The following SYN2 variants were observed in gnomAD, a reference collection of about 807,000 sequenced individuals.
SYN2 encodes synapsin II.
Under a neutral mutation model 50.9 loss-of-function variants are expected in SYN2, and 19 were observed. That is an observed-to-expected ratio of 0.37 (90% confidence interval 0.26 to 0.55). SYN2 has a LOEUF of 0.55. SYN2 is among the 20% of genes least tolerant of loss of function. SYN2 has a pLI of 0.81. For missense variants in SYN2, 587 were observed against 576.4 expected (o/e 1.02, Z -0.19); for synonymous variants, 255 against 224.9 (o/e 1.13, Z -1.20).
chr3:12,139,926 C>T (rs1400748810), intron 1 of SYN2, among the ~76,000 whole-genome samples: 1 of 152,118 alleles, frequency 6.6e-6, no homozygotes, highest in Non-Finnish European at 1.5e-5. Flanking sequence ...TTACTTATTA[C>T]AGGGGATTAA....
intron 1 of SYN2, among the ~76,000 whole-genome samples, chr3:12,013,378 C>T (rs1460226558): frequency 3.3e-5 from 5 of 152,282 alleles, no homozygotes. Flanking sequence ...CCTTTTCCTG[C>T]CCACTTCTTT....
chr3:12,076,346 T>C (rs1695467054), intron 1 of SYN2, among the ~76,000 whole-genome samples: 1 of 152,088 alleles, frequency 6.6e-6, no homozygotes, highest in Non-Finnish European at 1.5e-5. Flanking sequence ...AAATCTTGTT[T>C]TAGTACATAA....
chr3:12,117,281 TA>T (rs1460296696), intron 1 of SYN2, among the ~76,000 whole-genome samples: 1 of 152,330 alleles, frequency 6.6e-6, no homozygotes, highest in African/African-American at 2.4e-5. Context: ...ATCCAGTTGT[TA>T]TTCTTAGAGA....
intron 1 of SYN2, among the ~76,000 whole-genome samples, chr3:12,128,155 G>A (rs1170448928): frequency 6.6e-6 from 1 of 152,054 alleles, no homozygotes; most frequent in Non-Finnish European, 1.5e-5. Flanking sequence ...ATGTTGCCCA[G>A]GCTGGTTTCG....
At chr3:12,155,608 GT>G (rs1697432070) in intron 5 of SYN2, among the ~76,000 whole-genome samples, 1 of 152,208 alleles carries the variant, frequency 6.6e-6, no homozygotes, top group Non-Finnish European at 1.5e-5. Context: ...GGGCAGCAGT[GT>G]TCTGGTCACA....
chr3:12,077,147 T>G (rs933264938), intron 1 of SYN2, among the ~76,000 whole-genome samples: 1 of 152,064 alleles, frequency 6.6e-6, no homozygotes, highest in East Asian at 1.9e-4. Context: ...CTAGTTAAGT[T>G]AATATGGTTA....
At chr3:12,158,670 C>G (rs565254389) in intron 5 of SYN2, 15 of 1,607,718 alleles carry the variant, frequency 9.3e-6, no homozygotes, top group Non-Finnish European at 1.3e-5. Flanking sequence ...ACAACCACCC[C>G]CTGCTGTGGA....
chr3:12,070,452 C>T lies in SYN2; in HGVS notation c.377+65524C>T, dbSNP rs77267783. 3.1e-3 allele frequency: 1,764 copies of T among 570,632 alleles called. 27 individuals carry two copies. Among genetic ancestry groups the T allele is most frequent in the African/African-American group, 0.03 (1,595 of 53,154 alleles). The allele number at this position is 570,632 out of a possible 1,614,324, so 35.3% of individuals were successfully genotyped here. On this transcript the variant is annotated intron_variant, in intron 1 of 12. Transcript: ENST00000621198. ...AGATTGGGACTCTGACCCCATTGAG[C>T]GTGGCATCGTCATCAACTGGGATGA...
intron 1 of SYN2, among the ~76,000 whole-genome samples, chr3:12,013,753 T>C (rs1381703674): frequency 1.3e-5 from 2 of 152,216 alleles, no homozygotes; most frequent in Non-Finnish European, 2.9e-5. Context: ...ACTCCTTTGC[T>C]TAAAGTTTTT....
At chr3:12,012,486 T>C (rs1361869635) in intron 1 of SYN2, among the ~76,000 whole-genome samples, 1 of 152,250 alleles carries the variant, frequency 6.6e-6, no homozygotes, top group Non-Finnish European at 1.5e-5. Flanking sequence ...CATTCTTCCC[T>C]AACACGTAGT....
intron 1 of SYN2, among the ~76,000 whole-genome samples, chr3:12,068,988 C>G (rs1251081662): frequency 6.6e-6 from 1 of 152,210 alleles, no homozygotes; most frequent in Non-Finnish European, 1.5e-5. Context: ...GTTGCCTGTT[C>G]TGAACACTTC....
At chr3:12,017,810 A>C (rs538853987) in intron 1 of SYN2, among the ~76,000 whole-genome samples, 1 of 152,342 alleles carries the variant, frequency 6.6e-6, no homozygotes, top group African/African-American at 2.4e-5. Context: ...ATGACACTAA[A>C]AAATGATTTA....
In SYN2 at chr3:12,183,590, C is replaced by T. The variant is rs935524804; in HGVS notation, c.1369+218C>T. On this transcript the variant is annotated intron_variant, in intron 11 of 12. Coordinates refer to ENST00000621198, the MANE Select transcript of SYN2 (RefSeq NM_133625.6). ...CTGTGTTTTTCCTATGCAGTGTCAG[C>T]TCCTCTGTCTGGTTGTTTACCTGTT... 6.8e-6 allele frequency: 10 copies of T among 1,480,702 alleles called. No homozygotes were observed. In the African/African-American group the frequency reaches 1.3e-4, roughly 19 times the overall value. The allele number at this position is 1,480,702 out of a possible 1,614,324, so 91.7% of individuals were successfully genotyped here.
intron 1 of SYN2, among the ~76,000 whole-genome samples, chr3:12,057,219 G>A (rs907245455): frequency 9.9e-5 from 15 of 151,906 alleles, no homozygotes; most frequent in African/African-American, 3.6e-4. Flanking sequence ...TTGAACCCAG[G>A]AGGCAGAGGT....
rs1441761174 is a variant in SYN2, at chr3:12,018,179, A to G, written c.377+13251A>G. On this transcript the variant is annotated intron_variant, in intron 1 of 12. Transcript: ENST00000621198. ...TAGGTTCTGTGGCCTGGAAAAGAGAATGTTCTACAGAAGGGACAAATCTGA... is the reference window on the plus strand; with the variant it reads ...TAGGTTCTGTGGCCTGGAAAAGAGAGTGTTCTACAGAAGGGACAAATCTGA... Among the ~76,000 whole-genome samples, 3 of 152,328 alleles carry G rather than the reference A, an allele frequency of 2.0e-5. No homozygotes were observed. The South Asian group carries it at 6.2e-4, about 32-fold the overall frequency.
intron 1 of SYN2, among the ~76,000 whole-genome samples, chr3:12,042,814 A>T (rs1272952022): frequency 6.6e-6 from 1 of 152,162 alleles, no homozygotes; most frequent in Admixed American, 6.5e-5. Flanking sequence ...CCATGTGAAG[A>T]TGGAGGCAGA....
At chr3:12,163,241 CAAA>C (rs11404808) in intron 7 of SYN2, among the ~76,000 whole-genome samples, 4 of 122,550 alleles carry the variant, frequency 3.3e-5, no homozygotes, top group Non-Finnish European at 1.6e-5. Context: ...GACTCTGTCT[CAAA>C]AAAAAAAAAA....
chr3:12,182,336 C>T (rs1312097629), intron 10 of SYN2, among the ~76,000 whole-genome samples: 4 of 152,174 alleles, frequency 2.6e-5, no homozygotes, highest in Non-Finnish European at 5.9e-5. Flanking sequence ...CTTGGAAGCC[C>T]CTCATTGACA....
At position 12,151,257 on chromosome 3, in the gene SYN2, C is replaced by T; in HGVS notation, c.705C>T (p.Ile235=). The change falls in exon 5 of 13, where the codon ATC becomes ATT. Residue 235 remains isoleucine, a synonymous_variant. Coordinates refer to ENST00000621198, the MANE Select transcript of SYN2 (RefSeq NM_133625.6). ...TGCAGTTTGCCCAGCTGGTCGCTATCTATAAGACACTGGGAGGAGAAAAGT... is the reference window on the plus strand; with the variant it reads ...TGCAGTTTGCCCAGCTGGTCGCTATTTATAAGACACTGGGAGGAGAAAAGT... The part of the protein sequence containing the change: ...KPWVFAQLVA[I]YKTLGGEKFP... 6.2e-7 allele frequency: 1 copy of T among 1,613,032 alleles called. No homozygotes were observed. The highest frequency in any genetic ancestry group is 1.1e-5 in the South Asian group (1 of 90,578).
Sources: allele counts gnomAD v4.1 joint callset (sites outside exome capture counted in the v4.1 genomes callset), GRCh38; gene constraint gnomAD v4.1.1; transcripts MANE v1.5; gene names NCBI Gene and HGNC (gene_info 2026-07-23, HGNC 2026-07-21).